The following ME3 variants were observed in gnomAD, a reference collection of about 807,000 sequenced individuals.
The protein encoded by ME3 is malic enzyme 3, also known as NADP-dependent malic enzyme, mitochondrial.
In ME3, 48 loss-of-function variants were observed where a neutral mutation model predicts 68.9. That is an observed-to-expected ratio of 0.70 (90% CI 0.55 to 0.89). ME3 has a LOEUF of 0.89. Ranked by LOEUF, ME3 falls within the 40% of genes least tolerant of loss-of-function variation. The pLI is 0.00. For synonymous variants in ME3, 320 were observed against 318.8 expected (o/e 1.00, Z -0.04); for missense variants, 675 against 797.4 (o/e 0.85, Z 1.85).
chr11:86,568,804 TCTC>T (rs774962647), intron 2 of ME3, among the ~76,000 whole-genome samples: 1 of 152,196 alleles, frequency 6.6e-6, no homozygotes, highest in African/African-American at 2.4e-5. Context: ...GACAATCTCT[TCTC>T]CTTCATTCAA....
At chr11:86,518,449 TA>T (rs1954041431) in intron 4 of ME3, among the ~76,000 whole-genome samples, 1 of 152,194 alleles carries the variant, frequency 6.6e-6, no homozygotes, top group African/African-American at 2.4e-5. Flanking sequence ...GTGACTCCCC[TA>T]GGAAATTTAC....
chr11:86,440,391 C>G (rs143053389), downstream of ME3, among the ~76,000 whole-genome samples: 154 of 152,260 alleles, frequency 1.0e-3, no homozygotes, highest in Middle Eastern at 6.8e-3. Context: ...TGATATTACT[C>G]ACTAAGAAAA....
chr11:86,565,264 GACTGGT>G (rs1394740407), intron 2 of ME3, among the ~76,000 whole-genome samples: 2 of 152,150 alleles, frequency 1.3e-5, no homozygotes, highest in Non-Finnish European at 2.9e-5. Flanking sequence ...TGAAAACTCT[GACTGGT>G]ACATTGCTGG....
rs533782642 is a variant in ME3 at position 86,512,370 on chromosome 11, C to T, written c.468-3503G>A. 5.9e-5 allele frequency among the ~76,000 whole-genome samples: 9 copies of T among 152,314 alleles called. No homozygotes were observed. In the East Asian group the frequency reaches 9.6e-4, roughly 16 times the overall value. The stretch of plus-strand genomic sequence containing the variant: ...TGGCTATTTGATTAATAATCCCCAT[C>T]GCCCTCATTAGACTGTGAACTTCAG... On this transcript the variant is annotated intron_variant, in intron 4 of 14. Transcript: ENST00000543262.
chr11:86,664,198 A>T (rs988487654), intron 2 of ME3, among the ~76,000 whole-genome samples: 5 of 152,248 alleles, frequency 3.3e-5, no homozygotes, highest in African/African-American at 9.6e-5. Flanking sequence ...AGAAAATGGA[A>T]CATTAAAGGA....
At chr11:86,474,912 C>T (rs776941547) in intron 7 of ME3, among the ~76,000 whole-genome samples, 6 of 152,198 alleles carry the variant, frequency 3.9e-5, no homozygotes, top group Non-Finnish European at 7.3e-5. Flanking sequence ...GCAAAGTCTA[C>T]TTCTGACTTC....
chr11:86,601,096 T>C (rs1483641358), intron 2 of ME3, among the ~76,000 whole-genome samples: 1 of 151,438 alleles, frequency 6.6e-6, no homozygotes, highest in Non-Finnish European at 1.5e-5. Flanking sequence ...AAGAAATAAC[T>C]AAAATCAGAG....
intron 4 of ME3, among the ~76,000 whole-genome samples, chr11:86,538,474 C>G (rs1242746999): frequency 4.6e-5 from 7 of 152,094 alleles, no homozygotes; most frequent in Non-Finnish European, 1.5e-5. Flanking sequence ...AATCATTGTT[C>G]CATTTCTGGA....
At chr11:86,468,710 G>A (rs1022977424) in intron 7 of ME3, among the ~76,000 whole-genome samples, 1 of 152,168 alleles carries the variant, frequency 6.6e-6, no homozygotes, top group African/African-American at 2.4e-5. Context: ...CCAAATACAG[G>A]TAATGAGCTT....
rs140755868 is a variant in ME3, at chr11:86,595,470, G to A, written c.184-35647C>T. On this transcript the variant is annotated intron_variant, in intron 2 of 14. Coordinates refer to ENST00000543262, the Ensembl canonical transcript of ME3. Reference sequence around the variant, plus strand: ...GAGAGTTAAGTACTTATAAAGCCAGGATCTGATCCCAATTAGTCTGCCTTT... The same window carrying A: ...GAGAGTTAAGTACTTATAAAGCCAGAATCTGATCCCAATTAGTCTGCCTTT... Among the ~76,000 whole-genome samples, 104 of 151,472 alleles carry A rather than the reference G, an allele frequency of 6.9e-4. 12 individuals carry two copies. The highest frequency in any genetic ancestry group is 2.2e-3 in the African/African-American group (91 of 41,294).
chr11:86,595,323 A>AGG (rs1429450516), intron 2 of ME3, among the ~76,000 whole-genome samples: 2 of 142,626 alleles, frequency 1.4e-5, no homozygotes, highest in African/African-American at 5.2e-5. Flanking sequence ...AGAGAGAGAG[A>AGG]GAGAGAGAGC....
intron 5 of ME3, among the ~76,000 whole-genome samples, chr11:86,506,911 T>G (rs1457591118): frequency 6.6e-6 from 1 of 152,162 alleles, no homozygotes; most frequent in Non-Finnish European, 1.5e-5. Context: ...GAAACTTGCT[T>G]CTCTGGGCCT....
intron 7 of ME3, among the ~76,000 whole-genome samples, chr11:86,470,049 C>G (rs1594082589): frequency 2.6e-5 from 4 of 152,164 alleles, no homozygotes; most frequent in African/African-American, 9.6e-5. Context: ...CTGCCCTTCT[C>G]CCCAGTGTGT....
chr11:86,656,890 G>A (rs892726939), intron 2 of ME3, among the ~76,000 whole-genome samples: 1 of 151,126 alleles, frequency 6.6e-6, no homozygotes, highest in African/African-American at 2.4e-5. Context: ...GTGGTCATTA[G>A]AGCAATGCAA....
At chr11:86,604,363 A>C (rs915522663) in intron 2 of ME3, among the ~76,000 whole-genome samples, 12 of 152,044 alleles carry the variant, frequency 7.9e-5, no homozygotes, top group Admixed American at 7.2e-4. Context: ...TTAAGGAGGG[A>C]GTCCATTCAG....
intron 2 of ME3, among the ~76,000 whole-genome samples, chr11:86,622,027 T>C (rs910112161): frequency 4.6e-5 from 7 of 151,948 alleles, no homozygotes; most frequent in East Asian, 1.9e-4. Flanking sequence ...AAATATTGTA[T>C]TGGGTAGCCT....
At chr11:86,615,082 G>A (rs967745918) in intron 2 of ME3, among the ~76,000 whole-genome samples, 3 of 152,144 alleles carry the variant, frequency 2.0e-5, no homozygotes, top group African/African-American at 4.8e-5. Context: ...TTGGCTTGAG[G>A]TCCTTTTGGA....
At chr11:86,558,711 G>A (rs1004175912) in intron 3 of ME3, among the ~76,000 whole-genome samples, 2 of 152,174 alleles carry the variant, frequency 1.3e-5, no homozygotes, top group African/African-American at 4.8e-5. Context: ...TTCTGCTAGA[G>A]CCAATAACAA....
chr11:86,501,299 T>C (rs1004531360), intron 5 of ME3, among the ~76,000 whole-genome samples: 17 of 152,168 alleles, frequency 1.1e-4, no homozygotes, highest in African/African-American at 3.4e-4. Flanking sequence ...GCTGCTCTTA[T>C]GACTGTAATG....
Sources: gnomAD v4.1 joint callset for allele counts (sites outside exome capture counted in the v4.1 genomes callset) on GRCh38, gnomAD v4.1.1 for gene constraint, MANE v1.5 for transcripts, NCBI Gene and HGNC (gene_info 2026-07-23, HGNC 2026-07-21) for gene names.